DYNC1I1: variants seen among roughly 807,000 people sequenced by gnomAD.
DYNC1I1 encodes the protein cytoplasmic dynein 1 intermediate chain 1.
Under a neutral mutation model 86.6 loss-of-function variants are expected in DYNC1I1, and 43 were observed. The observed-to-expected ratio is 0.50, with a 90% CI of 0.39 to 0.64. The LOEUF is 0.64. Among genes scored for constraint, DYNC1I1 ranks in the 30% least tolerant of loss-of-function variants. The pLI is 0.00. For missense variants in DYNC1I1, 604 were observed against 788.8 expected (o/e 0.77, Z 2.81); for synonymous variants, 262 against 283.7 (o/e 0.92, Z 0.77).
chr7:95,935,313 T>C (rs1584175320), intron 6 of DYNC1I1, among the ~76,000 whole-genome samples: 1 of 152,100 alleles, frequency 6.6e-6, no homozygotes, highest in African/African-American at 2.4e-5. Context: ...AATTTTCTTC[T>C]TTTTAAGGCT....
chr7:95,819,254 A>G (rs1429962568), intron 4 of DYNC1I1, among the ~76,000 whole-genome samples: 3 of 152,150 alleles, frequency 2.0e-5, no homozygotes, highest in Non-Finnish European at 4.4e-5. Flanking sequence ...GTTACTATTC[A>G]GTTTCTTATT....
Position 96,073,314 on chromosome 7 carries a change from A to G in DYNC1I1, c.1510-2743A>G, listed in dbSNP as rs544825194. Among the ~76,000 whole-genome samples the G allele has an allele frequency of 7.2e-5, 11 of 152,338 alleles. No individual in the cohort carries two copies. The South Asian group carries it at 2.1e-3, about 29-fold the overall frequency. ...AGCATTTCAATCAATACTATTAAAT[A>G]TAAGAAACTGGGTTTTGGTAACATG... On this transcript the variant is annotated intron_variant, in intron 14 of 16. Transcript: ENST00000447467.
At chr7:95,837,155 G>A (rs1293356881) in intron 5 of DYNC1I1, among the ~76,000 whole-genome samples, 1 of 150,348 alleles carries the variant, frequency 6.7e-6, no homozygotes, top group Non-Finnish European at 1.5e-5. Context: ...TGGTGTGGAT[G>A]TCCTTTCTGT....
intron 5 of DYNC1I1, among the ~76,000 whole-genome samples, chr7:95,863,780 G>A (rs929463395): frequency 7.9e-5 from 12 of 152,250 alleles, no homozygotes; most frequent in South Asian, 4.1e-4. Context: ...AGAAGCTAAC[G>A]ATCCATTGTT....
At chr7:96,061,197 G>C (rs775113494) in intron 14 of DYNC1I1, among the ~76,000 whole-genome samples, 1 of 152,140 alleles carries the variant, frequency 6.6e-6, no homozygotes, top group Non-Finnish European at 1.5e-5. Context: ...ATTAAGGAGC[G>C]AAGGGGAAAA....
chr7:95,906,286 AT>A (rs1194999464), intron 6 of DYNC1I1, among the ~76,000 whole-genome samples: 2 of 152,162 alleles, frequency 1.3e-5, no homozygotes, highest in Non-Finnish European at 2.9e-5. Context: ...AAGTTACTTA[AT>A]CCCCTTGAGC....
At chr7:95,883,392 G>A (rs533677129) in intron 6 of DYNC1I1, among the ~76,000 whole-genome samples, 1 of 152,144 alleles carries the variant, frequency 6.6e-6, no homozygotes, top group African/African-American at 2.4e-5. Flanking sequence ...AACGGCATGT[G>A]GTTTATAGAG....
chr7:96,064,927 C>CAA (rs894175131), intron 14 of DYNC1I1, among the ~76,000 whole-genome samples: 2 of 135,160 alleles, frequency 1.5e-5, no homozygotes, highest in African/African-American at 2.7e-5. Context: ...GGTCTTAAGG[C>CAA]AAAAAAAAAA....
chr7:95,889,788 T>C (rs1273782246), intron 6 of DYNC1I1, among the ~76,000 whole-genome samples: 2 of 152,072 alleles, frequency 1.3e-5, no homozygotes, highest in African/African-American at 4.8e-5. Context: ...GCAAAGGACA[T>C]GAATAGACAC....
chr7:95,912,749 C>G (rs1196059828), intron 6 of DYNC1I1, among the ~76,000 whole-genome samples: 1 of 152,180 alleles, frequency 6.6e-6, no homozygotes, highest in African/African-American at 2.4e-5. Flanking sequence ...CTCATTAGCA[C>G]CAGCCCTGGT....
intron 4 of DYNC1I1, among the ~76,000 whole-genome samples, chr7:95,816,089 C>T (rs947211298): frequency 6.6e-6 from 1 of 151,714 alleles, no homozygotes. Context: ...GCAATTATAG[C>T]TCACTGCAAC....
At chr7:96,084,102 C>A (rs866260456) in intron 16 of DYNC1I1, among the ~76,000 whole-genome samples, 1 of 151,916 alleles carries the variant, frequency 6.6e-6, no homozygotes, top group Non-Finnish European at 1.5e-5. Context: ...TTTGCCAAGA[C>A]CTTGTTCCAC....
intron 6 of DYNC1I1, among the ~76,000 whole-genome samples, chr7:95,959,878 G>A (rs1196703920): frequency 6.6e-6 from 1 of 152,136 alleles, no homozygotes; most frequent in Admixed American, 6.6e-5. Context: ...CAGCATCCCC[G>A]AGCCCAGGAA....
chr7:95,829,029 T>A (rs1795264267), intron 5 of DYNC1I1, among the ~76,000 whole-genome samples: 1 of 152,220 alleles, frequency 6.6e-6, no homozygotes, highest in Admixed American at 6.5e-5. Flanking sequence ...GACAGAGCAC[T>A]GGATATCTCT....
At chr7:96,093,893 A>G (rs988378292) in intron 16 of DYNC1I1, among the ~76,000 whole-genome samples, 2 of 152,202 alleles carry the variant, frequency 1.3e-5, no homozygotes, top group African/African-American at 4.8e-5. Context: ...TTCTCAGAGA[A>G]AAAATCCATA....
intron 1 of DYNC1I1, among the ~76,000 whole-genome samples, chr7:95,802,358 A>C (rs1458029324): frequency 6.6e-6 from 1 of 152,162 alleles, no homozygotes; most frequent in Non-Finnish European, 1.5e-5. Flanking sequence ...GCTAATGCAC[A>C]TTCTCTACTT....
intron 1 of DYNC1I1, among the ~76,000 whole-genome samples, chr7:95,779,018 G>A (rs1383790687): frequency 2.0e-5 from 3 of 151,970 alleles, no homozygotes; most frequent in East Asian, 1.9e-4. Flanking sequence ...CTTCTCCAGG[G>A]GACATTTGAC....
At chr7:95,926,657 A>G (rs1481532322) in intron 6 of DYNC1I1, among the ~76,000 whole-genome samples, 4 of 152,126 alleles carry the variant, frequency 2.6e-5, no homozygotes, top group Non-Finnish European at 4.4e-5. Context: ...TCATCTCTCT[A>G]TACGTGGTTA....
intron 14 of DYNC1I1, among the ~76,000 whole-genome samples, chr7:96,049,283 A>G (rs1281974484): frequency 1.3e-5 from 2 of 149,972 alleles, no homozygotes; most frequent in African/African-American, 4.9e-5. Flanking sequence ...AAAAAAAATT[A>G]CTAATCACAT....
Sources: gnomAD v4.1 joint callset for allele counts (sites outside exome capture counted in the v4.1 genomes callset) on GRCh38, gnomAD v4.1.1 for gene constraint, MANE v1.5 for transcripts, NCBI Gene and HGNC (gene_info 2026-07-23, HGNC 2026-07-21) for gene names.